The following UST variants were observed in gnomAD, a reference collection of about 807,000 sequenced individuals.
UST encodes uronyl 2-sulfotransferase.
Under a neutral mutation model 45.6 loss-of-function variants are expected in UST, and 21 were observed. The ratio of observed to expected loss-of-function variants is 0.46; its 90% CI spans 0.33 to 0.66. The LOEUF is 0.66. UST is among the 30% of genes least tolerant of loss of function. The pLI is 0.02. For missense variants in UST, 463 were observed against 512.4 expected, an observed-to-expected ratio of 0.90 and a Z score of 0.93; for synonymous variants, 215 against 200.6, an observed-to-expected ratio of 1.07 and a Z score of -0.61.
intron 3 of UST, among the ~76,000 whole-genome samples, chr6:148,943,502 A>T (rs1562307675): frequency 6.6e-6 from 1 of 152,252 alleles, no homozygotes; most frequent in Non-Finnish European, 1.5e-5. Context: ...AATTTAGAAT[A>T]AAAATTAACA....
At chr6:149,013,468 G>A (rs1328526213) in intron 5 of UST, among the ~76,000 whole-genome samples, 2 of 152,010 alleles carry the variant, frequency 1.3e-5, no homozygotes, top group African/African-American at 4.8e-5. Context: ...AGAGGCTGCA[G>A]TGAGCCAAAA....
chr6:148,964,352 G>A (rs1173426403), intron 4 of UST, 58 bp from the exon 5 acceptor site: 1 of 1,597,346 alleles, frequency 6.3e-7, no homozygotes, highest in East Asian at 2.2e-5. Context: ...TGTTGTCTAA[G>A]TAGGCCCTGT....
At chr6:148,777,112 C>G (rs566594832) in intron 1 of UST, among the ~76,000 whole-genome samples, 26 of 152,334 alleles carry the variant, frequency 1.7e-4, no homozygotes, top group African/African-American at 6.3e-4. Context: ...TGGATGTTTC[C>G]TCTCCTGGAG....
At chr6:148,749,045 T>G (rs1775937267) in intron 1 of UST, among the ~76,000 whole-genome samples, 1 of 152,190 alleles carries the variant, frequency 6.6e-6, no homozygotes, top group South Asian at 2.1e-4. Context: ...AATAATATTC[T>G]TTACCTTGTA....
intron 2 of UST, among the ~76,000 whole-genome samples, chr6:148,939,926 G>A (rs1229702794): frequency 6.6e-6 from 1 of 152,054 alleles, no homozygotes; most frequent in African/African-American, 2.4e-5. Context: ...AAAATGAAAA[G>A]ACAACTTACA....
intron 1 of UST, among the ~76,000 whole-genome samples, chr6:148,758,360 T>C (rs1170853021): frequency 1.3e-5 from 2 of 152,226 alleles, no homozygotes; most frequent in African/African-American, 4.8e-5. Flanking sequence ...TTGCACAGCC[T>C]GATTTCCTCT....
At chr6:148,870,691 T>C (rs1307579221) in intron 1 of UST, among the ~76,000 whole-genome samples, 2 of 152,050 alleles carry the variant, frequency 1.3e-5, no homozygotes, top group Non-Finnish European at 2.9e-5. Flanking sequence ...TTTACTCCGG[T>C]CTTCTCTTGG....
intron 1 of UST, among the ~76,000 whole-genome samples, chr6:148,809,471 A>G (rs1777213946): frequency 6.6e-6 from 1 of 151,642 alleles, no homozygotes; most frequent in Non-Finnish European, 1.5e-5. Flanking sequence ...CCATCTCAAC[A>G]CTCTAACGTG....
rs1376778323 is a variant in UST, at chr6:149,039,944, G to C, written c.937+18463G>C. Among the ~76,000 whole-genome samples, 4 of 152,270 alleles carry C rather than the reference G, an allele frequency of 2.6e-5. No individual in the cohort carries two copies. The East Asian group carries it at 7.7e-4, about 29-fold the overall frequency. On this transcript the variant is annotated intron_variant, in intron 7 of 7. Coordinates refer to ENST00000367463, the MANE Select transcript of UST (RefSeq NM_005715.3). ...ATCCTTCTCTCCTTTCTGACCTCCTGCCTGGCAGAGTTTTCAGAACAGCAT... is the reference window on the plus strand; with the variant it reads ...ATCCTTCTCTCCTTTCTGACCTCCTCCCTGGCAGAGTTTTCAGAACAGCAT...
intron 2 of UST, among the ~76,000 whole-genome samples, chr6:148,940,519 A>C (rs1780105470): frequency 6.6e-6 from 1 of 152,076 alleles, no homozygotes; most frequent in South Asian, 2.1e-4. Flanking sequence ...CATATATATC[A>C]ATAACAAGTG....
intron 1 of UST, among the ~76,000 whole-genome samples, chr6:148,830,830 A>G (rs1331802142): frequency 1.3e-5 from 2 of 152,130 alleles, no homozygotes; most frequent in Non-Finnish European, 2.9e-5. Context: ...GCTATTGTGT[A>G]ATGTGTAGAG....
intron 7 of UST, among the ~76,000 whole-genome samples, chr6:149,047,924 G>T (rs1332748952): frequency 6.6e-6 from 1 of 152,104 alleles, no homozygotes; most frequent in East Asian, 1.9e-4. Context: ...TAAAATAATG[G>T]TGTAAAAGCA....
intron 5 of UST, among the ~76,000 whole-genome samples, chr6:148,972,672 G>A (rs1780940899): frequency 1.3e-5 from 2 of 152,230 alleles, no homozygotes; most frequent in African/African-American, 2.4e-5. Context: ...TGTGAGCCCC[G>A]CCCCTCGCTG....
At chr6:148,854,919 G>T (rs1204562267) in intron 1 of UST, among the ~76,000 whole-genome samples, 1 of 152,148 alleles carries the variant, frequency 6.6e-6, no homozygotes, top group Non-Finnish European at 1.5e-5. Flanking sequence ...ACATACCCGA[G>T]ACGGGGCAAT....
At chr6:148,942,853 G>A (rs890863623) in intron 3 of UST, among the ~76,000 whole-genome samples, 1 of 152,056 alleles carries the variant, frequency 6.6e-6, no homozygotes, top group African/African-American at 2.4e-5. Context: ...AAATCACTCA[G>A]TATCAAGTTT....
chr6:148,960,124 A>G (rs1388101964), intron 4 of UST, among the ~76,000 whole-genome samples: 1 of 152,050 alleles, frequency 6.6e-6, no homozygotes, highest in East Asian at 1.9e-4. Context: ...CCCCATCTCT[A>G]CTAAAAATAC....
At chr6:148,985,245 G>A (rs181132911) in intron 5 of UST, among the ~76,000 whole-genome samples, 1 of 152,278 alleles carries the variant, frequency 6.6e-6, no homozygotes. Flanking sequence ...TGTGAAGGTT[G>A]AGATCATGTC....
At chr6:148,965,152 G>C (rs1562315077) in intron 5 of UST, among the ~76,000 whole-genome samples, 1 of 152,150 alleles carries the variant, frequency 6.6e-6, no homozygotes, top group Non-Finnish European at 1.5e-5. Flanking sequence ...GCTTTCTCTG[G>C]ACTTGTTTTG....
chr6:148,888,965 T>C (rs530538554), intron 2 of UST, among the ~76,000 whole-genome samples: 1 of 152,248 alleles, frequency 6.6e-6, no homozygotes, highest in East Asian at 1.9e-4. Context: ...ACATCATGAC[T>C]ATTCATTAAA....
Sources: allele counts gnomAD v4.1 joint callset (sites outside exome capture counted in the v4.1 genomes callset), GRCh38; gene constraint gnomAD v4.1.1; transcripts MANE v1.5; gene names NCBI Gene and HGNC (gene_info 2026-07-23, HGNC 2026-07-21).